LPP: variants seen among roughly 807,000 people sequenced by gnomAD.
LPP encodes lipoma-preferred partner.
In LPP, 38 loss-of-function variants were observed where a neutral mutation model predicts 60.4. The observed-to-expected ratio is 0.63, with a 90% CI of 0.49 to 0.83. LPP has a LOEUF of 0.83. Ranked by LOEUF, LPP falls within the 40% of genes least tolerant of loss-of-function variation. LPP has a pLI of 0.00. For synonymous variants in LPP, 328 were observed against 290.8 expected (o/e 1.13, Z -1.30); for missense variants, 902 against 783.6 (o/e 1.15, Z -1.80).
rs557904823 is a variant in LPP at position 188,335,277 on chromosome 3, C to T, written c.-66-6386C>T. ...TGAACTTTATGAAGTGCTTTTTCTG[C>T]ATCTAATGAGATAATCATGGTTTTT... On this transcript the variant is annotated intron_variant, in intron 2 of 11. Transcript: ENST00000617246. Among the ~76,000 whole-genome samples, 3 of 152,310 alleles carry T rather than the reference C, an allele frequency of 2.0e-5. No homozygotes were observed. The South Asian group carries it at 6.2e-4, about 32-fold the overall frequency.
chr3:188,705,435 T>C (rs1041584120), intron 7 of LPP, among the ~76,000 whole-genome samples: 5 of 152,170 alleles, frequency 3.3e-5, no homozygotes, highest in African/African-American at 1.2e-4. Flanking sequence ...ATGGCTCCTG[T>C]GACCAACCTT....
At chr3:188,715,081 A>G (rs1037830254) in intron 8 of LPP, among the ~76,000 whole-genome samples, 1 of 152,246 alleles carries the variant, frequency 6.6e-6, no homozygotes, top group Non-Finnish European at 1.5e-5. Flanking sequence ...TCTCAGTTCT[A>G]GTGATAGATA....
chr3:188,236,155 G>C (rs930919113), intron 2 of LPP, among the ~76,000 whole-genome samples: 21 of 152,012 alleles, frequency 1.4e-4, no homozygotes, highest in African/African-American at 4.8e-4. Flanking sequence ...TGGTGCAAAA[G>C]TAATTGTGAT....
chr3:188,811,588 C>G (rs955928084), intron 9 of LPP, among the ~76,000 whole-genome samples: 3 of 152,034 alleles, frequency 2.0e-5, no homozygotes, highest in Non-Finnish European at 4.4e-5. Flanking sequence ...ATATCCAGGT[C>G]TTTTGCACTG....
At chr3:188,420,311 G>C (rs980271425) in intron 4 of LPP, among the ~76,000 whole-genome samples, 1 of 151,942 alleles carries the variant, frequency 6.6e-6, no homozygotes, top group Non-Finnish European at 1.5e-5. Context: ...TTGTCAATGT[G>C]GCAAAAAATG....
At chr3:188,543,855 G>C (rs1420606877) in intron 6 of LPP, among the ~76,000 whole-genome samples, 1 of 152,134 alleles carries the variant, frequency 6.6e-6, no homozygotes, top group Non-Finnish European at 1.5e-5. Context: ...GAATACTAGG[G>C]GGAATCTTAT....
At chr3:188,522,758 C>T (rs952846798) in intron 5 of LPP, among the ~76,000 whole-genome samples, 1 of 139,050 alleles carries the variant, frequency 7.2e-6, no homozygotes, top group Admixed American at 7.5e-5. Flanking sequence ...CATAAGGTGG[C>T]TGTTTTAGAT....
At chr3:188,282,164 T>C (rs1742335717) in intron 2 of LPP, among the ~76,000 whole-genome samples, 2 of 149,056 alleles carry the variant, frequency 1.3e-5, no homozygotes, top group East Asian at 2.1e-4. Context: ...TCATACTTTC[T>C]TTATTATATT....
At chr3:188,755,609 GC>G (rs1243613642) in intron 8 of LPP, among the ~76,000 whole-genome samples, 11 of 151,928 alleles carry the variant, frequency 7.2e-5, no homozygotes, top group African/African-American at 2.7e-4. Flanking sequence ...CTTGAGACCA[GC>G]CTGGGAAGCA....
intron 6 of LPP, chr3:188,568,374 C>G (rs1832699428): frequency 6.6e-6 from 1 of 151,874 alleles, no homozygotes; most frequent in Admixed American, 6.6e-5. Context: ...AATATACTTA[C>G]CCTTCAATCC....
At chr3:188,757,496 A>G (rs950888188) in intron 8 of LPP, among the ~76,000 whole-genome samples, 48 of 152,212 alleles carry the variant, frequency 3.2e-4, no homozygotes, top group African/African-American at 1.2e-3. Context: ...AGTCTGAATC[A>G]AAATTGCTAC....
Position 188,609,442 on chromosome 3 carries a change from C to T in LPP, c.711C>T (p.Ala237=). The T allele has an allele frequency of 1.2e-6, 2 of 1,614,152 alleles. No individual in the cohort carries two copies. Among genetic ancestry groups the T allele is most frequent in the Non-Finnish European group, 1.7e-6 (2 of 1,180,032 alleles). ...SAQPSPHYMA[A]PSSGQIYGSG... is the part of the protein sequence containing the mutation. ...AGCCCAGCCCTCATTATATGGCTGC[C>T]CCTTCATCAGGACAAATTTATGGCT... Residue 237 remains alanine (A), a synonymous_variant, in exon 7 of 12, where the codon GCC becomes GCT. Coordinates refer to ENST00000617246, the MANE Select transcript of LPP (RefSeq NM_001375462.1). This position sits in a 1 kb window ranked among gnomAD's most constrained non-coding sequence, Gnocchi z 6.9.
At chr3:188,215,732 TTAA>T (rs1413602730) in intron 1 of LPP, among the ~76,000 whole-genome samples, 3 of 152,154 alleles carry the variant, frequency 2.0e-5, no homozygotes, top group Non-Finnish European at 2.9e-5. Context: ...CTTCAAAGGG[TTAA>T]TTAAGTAAGT....
chr3:188,205,963 C>G (rs1733089494), intron 1 of LPP, among the ~76,000 whole-genome samples: 1 of 152,192 alleles, frequency 6.6e-6, no homozygotes, highest in Admixed American at 6.5e-5. Context: ...AAAAGTTCTG[C>G]TGCTACATAT....
chr3:188,870,011 T>C (rs990085064), intron 10 of LPP, among the ~76,000 whole-genome samples: 1 of 152,196 alleles, frequency 6.6e-6, no homozygotes, highest in Non-Finnish European at 1.5e-5. Flanking sequence ...GGAAGAAAAC[T>C]TCTCTGATCT....
At chr3:188,518,091 G>A (rs1047081754) in intron 5 of LPP, among the ~76,000 whole-genome samples, 3 of 152,082 alleles carry the variant, frequency 2.0e-5, no homozygotes, top group Non-Finnish European at 2.9e-5. Context: ...TTCCTGTACA[G>A]CCTGCGGAAC....
chr3:188,236,025 T>A (rs1033307831), intron 2 of LPP, among the ~76,000 whole-genome samples: 1 of 152,118 alleles, frequency 6.6e-6, no homozygotes, highest in Admixed American at 6.5e-5. Context: ...CTCGAGCGTT[T>A]ACTGAACACC....
At chr3:188,608,726 A>G (rs1842996052) in intron 6 of LPP, among the ~76,000 whole-genome samples, 1 of 152,188 alleles carries the variant, frequency 6.6e-6, no homozygotes, top group Non-Finnish European at 1.5e-5. Flanking sequence ...GTATTTAGAT[A>G]GGGATCTCAC....
intron 7 of LPP, among the ~76,000 whole-genome samples, chr3:188,623,027 TAAAAAA>T (rs747020083): frequency 1.5e-4 from 12 of 79,476 alleles, no homozygotes; most frequent in Admixed American, 1.3e-3. Context: ...GACTCCATCT[TAAAAAA>T]AAAAAAAAAA....
Sources: allele counts gnomAD v4.1 joint callset (sites outside exome capture counted in the v4.1 genomes callset), GRCh38; gene constraint gnomAD v4.1.1; non-coding constraint Gnocchi (gnomAD v3.1); transcripts MANE v1.5; gene names NCBI Gene and HGNC (gene_info 2026-07-23, HGNC 2026-07-21).